The following CNTNAP2 variants were observed in gnomAD, a reference collection of about 807,000 sequenced individuals.
The protein encoded by CNTNAP2 is contactin-associated protein-like 2.
In CNTNAP2, 98 loss-of-function variants were observed where a neutral mutation model predicts 155.2. That is an observed-to-expected ratio of 0.63 (90% CI 0.54 to 0.75). The LOEUF is 0.75. Ranked by LOEUF, CNTNAP2 falls within the 30% of genes least tolerant of loss-of-function variation. The pLI is 0.00. For synonymous variants in CNTNAP2, 651 were observed against 631.2 expected (o/e 1.03, Z -0.47); for missense variants, 1,727 against 1,688.1 (o/e 1.02, Z -0.40).
At position 148,024,808 on chromosome 7, in the gene CNTNAP2, C is replaced by T. The variant is rs113833059; in HGVS notation, c.2383+46819C>T. On this transcript the variant is annotated intron_variant, in intron 15 of 23. Coordinates refer to ENST00000361727, the MANE Select transcript of CNTNAP2 (RefSeq NM_014141.6). Reference sequence around the variant, plus strand: ...GTCCTTCACAGGCAGCCATCTTTTTCTCTGGGCCACACCAGAGAAGCCCCC... The same window carrying T: ...GTCCTTCACAGGCAGCCATCTTTTTTTCTGGGCCACACCAGAGAAGCCCCC... 7.0e-3 allele frequency among the ~76,000 whole-genome samples: 1,068 copies of T among 152,282 alleles called. 17 individuals carry two copies. Among genetic ancestry groups the T allele is most frequent in the African/African-American group, 0.024 (1,015 of 41,564 alleles).
At chr7:147,532,836 G>A (rs1799466959) in intron 11 of CNTNAP2, among the ~76,000 whole-genome samples, 2 of 152,084 alleles carry the variant, frequency 1.3e-5, no homozygotes, top group East Asian at 3.9e-4. Context: ...AGAATAGAGT[G>A]GGAAAGACCA....
At chr7:146,850,374 A>C (rs558011540) in intron 3 of CNTNAP2, among the ~76,000 whole-genome samples, 1 of 152,324 alleles carries the variant, frequency 6.6e-6, no homozygotes, top group East Asian at 1.9e-4. Flanking sequence ...AATGATATTA[A>C]TATGCAGCTT....
chr7:148,112,095 G>C (rs1397873401), intron 15 of CNTNAP2, among the ~76,000 whole-genome samples: 2 of 152,156 alleles, frequency 1.3e-5, no homozygotes, highest in South Asian at 2.1e-4. Context: ...GCCTCCAGGG[G>C]ACAAAAACGT....
chr7:146,674,488 T>C lies in CNTNAP2; in HGVS notation c.98-99783T>C, dbSNP rs550709601. Among the ~76,000 whole-genome samples the C allele has an allele frequency of 3.2e-3, 461 of 142,702 alleles. 3 individuals are homozygous for C. The highest frequency in any genetic ancestry group is 0.012 in the African/African-American group (440 of 37,742). 93.6% of individuals were successfully genotyped at this position (142,702 alleles called of 152,430 possible). On this transcript the variant is annotated intron_variant, in intron 1 of 23. Coordinates refer to ENST00000361727, the MANE Select transcript of CNTNAP2 (RefSeq NM_014141.6). Reference sequence around the variant, plus strand: ...ATGGACTTTAAACCTGCTGAGCCTCTGTCTGGTGGAGGAAAAAAAAAATTA... The same window carrying C: ...ATGGACTTTAAACCTGCTGAGCCTCCGTCTGGTGGAGGAAAAAAAAAATTA...
intron 1 of CNTNAP2, among the ~76,000 whole-genome samples, chr7:146,148,728 A>T (rs1287604712): frequency 6.6e-6 from 1 of 152,304 alleles, no homozygotes; most frequent in South Asian, 2.1e-4. Flanking sequence ...CAAAATAGTA[A>T]TGTATAAGAA....
At chr7:147,909,919 C>T (rs928248326) in intron 14 of CNTNAP2, among the ~76,000 whole-genome samples, 6 of 152,116 alleles carry the variant, frequency 3.9e-5, no homozygotes, top group Non-Finnish European at 8.8e-5. Flanking sequence ...GCAGTTCCCA[C>T]CTCAACATTA....
intron 13 of CNTNAP2, among the ~76,000 whole-genome samples, chr7:147,899,924 G>A (rs1257378802): frequency 7.4e-6 from 1 of 134,658 alleles, no homozygotes; most frequent in African/African-American, 2.7e-5. Context: ...GAAAGAAAGA[G>A]TCATCCATTG....
intron 19 of CNTNAP2, among the ~76,000 whole-genome samples, chr7:148,226,483 CAATA>C (rs1412815895): frequency 6.6e-6 from 1 of 152,116 alleles, no homozygotes; most frequent in Admixed American, 6.6e-5. Flanking sequence ...GACCGTCTCC[CAATA>C]GATAGAAAAC....
At chr7:147,480,817 C>T (rs1798408921) in intron 10 of CNTNAP2, among the ~76,000 whole-genome samples, 1 of 152,168 alleles carries the variant, frequency 6.6e-6, no homozygotes, top group African/African-American at 2.4e-5. Context: ...CTATTCCAAC[C>T]GTGGTTCTCT....
In CNTNAP2 at chr7:147,395,724, A is replaced by G. The variant is rs1407082607; in HGVS notation, c.1614A>G (p.Gln538=). 6.2e-7 allele frequency: 1 copy of G among 1,612,584 alleles called. No homozygotes were observed. Among genetic ancestry groups the G allele is most frequent in the East Asian group, 2.2e-5 (1 of 44,832 alleles). ...DQLVNLYEVA[Q]RKPGSFANVS... ...TTGTAAATTTATACGAAGTGGCACA[A>G]AGGAAGCCGGGAAGTTTCGCGAATG... The change falls in exon 10 of 24, where the codon CAA becomes CAG. Residue 538 remains glutamine, a synonymous_variant. Transcript: ENST00000361727.
chr7:147,669,009 A>T (rs1443703513), intron 13 of CNTNAP2, among the ~76,000 whole-genome samples: 2 of 152,114 alleles, frequency 1.3e-5, no homozygotes, highest in East Asian at 3.9e-4. Context: ...CTATGTTTAG[A>T]TATACAAACA....
At chr7:146,363,992 G>A (rs957027247) in intron 1 of CNTNAP2, among the ~76,000 whole-genome samples, 1 of 152,080 alleles carries the variant, frequency 6.6e-6, no homozygotes, top group Non-Finnish European at 1.5e-5. Flanking sequence ...GACATTCTTT[G>A]ATCATCATAC....
chr7:148,143,144 C>T (rs1051092479), intron 16 of CNTNAP2, among the ~76,000 whole-genome samples: 1 of 152,088 alleles, frequency 6.6e-6, no homozygotes, highest in African/African-American at 2.4e-5. Flanking sequence ...TTTGAAAGAA[C>T]CTTAGAGGTT....
intron 3 of CNTNAP2, among the ~76,000 whole-genome samples, chr7:146,953,723 T>C (rs1245374589): frequency 6.6e-6 from 1 of 151,946 alleles, no homozygotes; most frequent in African/African-American, 2.4e-5. Context: ...TCCCCATTTC[T>C]AGTAGAGTAC....
chr7:148,106,761 C>T (rs1381369995), intron 15 of CNTNAP2, among the ~76,000 whole-genome samples: 1 of 152,018 alleles, frequency 6.6e-6, no homozygotes, highest in Admixed American at 6.6e-5. Context: ...TAAATCAAAA[C>T]TTTGTTTCTT....
intron 12 of CNTNAP2, among the ~76,000 whole-genome samples, chr7:147,575,425 A>G (rs1375763491): frequency 3.5e-5 from 4 of 113,858 alleles, no homozygotes; most frequent in African/African-American, 1.0e-4. Context: ...CTTTAGGGGT[A>G]TATGTGTGTG....
intron 1 of CNTNAP2, among the ~76,000 whole-genome samples, chr7:146,510,939 C>T (rs966763817): frequency 6.6e-6 from 1 of 152,164 alleles, no homozygotes; most frequent in African/African-American, 2.4e-5. Flanking sequence ...CTCTGTCACC[C>T]AGCCTGGAGT....
At chr7:146,999,789 C>T (rs1451036484) in intron 3 of CNTNAP2, among the ~76,000 whole-genome samples, 1 of 151,996 alleles carries the variant, frequency 6.6e-6, no homozygotes, top group Non-Finnish European at 1.5e-5. Context: ...TGCTTCTTCG[C>T]TCCTGCTGCT....
At chr7:148,153,658 T>C (rs1276766096) in intron 17 of CNTNAP2, among the ~76,000 whole-genome samples, 1 of 152,206 alleles carries the variant, frequency 6.6e-6, no homozygotes, top group Non-Finnish European at 1.5e-5. Context: ...GCATGAACAA[T>C]GCCAGGCTGG....
Sources: gnomAD v4.1 joint callset for allele counts (sites outside exome capture counted in the v4.1 genomes callset) on GRCh38, gnomAD v4.1.1 for gene constraint, MANE v1.5 for transcripts, NCBI Gene and HGNC (gene_info 2026-07-23, HGNC 2026-07-21) for gene names.